The following NAALADL2 variants were observed in gnomAD, a reference collection of about 807,000 sequenced individuals.
NAALADL2 encodes N-acetylated alpha-linked acidic dipeptidase like 2.
Under a neutral mutation model 87.2 loss-of-function variants are expected in NAALADL2, and 76 were observed. That is an observed-to-expected ratio of 0.87 (90% CI 0.72 to 1.05). The LOEUF (loss-of-function observed/expected upper bound fraction) is 1.05, where lower values mean the gene tolerates loss of function less well. NAALADL2 is among the 50% of genes least tolerant of loss of function. NAALADL2 has a pLI of 0.00. For missense variants in NAALADL2, 1,089 were observed against 945.8 expected (o/e 1.15, Z -1.99); for synonymous variants, 354 against 331.0 (o/e 1.07, Z -0.75).
At chr3:175,628,818 A>G (rs918757379) in intron 11 of NAALADL2, among the ~76,000 whole-genome samples, 2 of 150,624 alleles carry the variant, frequency 1.3e-5, no homozygotes, top group Non-Finnish European at 1.5e-5. Flanking sequence ...TACAAAGACT[A>G]GAGCCTGTGT....
chr3:175,224,067 G>A (rs1743804861), intron 2 of NAALADL2, among the ~76,000 whole-genome samples: 1 of 152,154 alleles, frequency 6.6e-6, no homozygotes, highest in African/African-American at 2.4e-5. Flanking sequence ...CAGAGAGAGA[G>A]TTGGCGGCTC....
At chr3:175,098,918 T>G (rs1454421871) in intron 2 of NAALADL2, among the ~76,000 whole-genome samples, 2 of 151,640 alleles carry the variant, frequency 1.3e-5, no homozygotes, top group Non-Finnish European at 2.9e-5. Context: ...CCTGAGCATC[T>G]GGTTAGTTTT....
At chr3:175,243,818 G>T (rs1291555258) in intron 3 of NAALADL2, among the ~76,000 whole-genome samples, 1 of 152,006 alleles carries the variant, frequency 6.6e-6, no homozygotes. Context: ...ATTTCCCAAG[G>T]TCTGAAATGG....
At chr3:175,516,259 T>A (rs1349244106) in intron 9 of NAALADL2, among the ~76,000 whole-genome samples, 1 of 152,226 alleles carries the variant, frequency 6.6e-6, no homozygotes, top group Non-Finnish European at 1.5e-5. Flanking sequence ...GATAGCCCTA[T>A]TGTTTATCTT....
chr3:175,164,496 C>T (rs1388828925), intron 2 of NAALADL2, among the ~76,000 whole-genome samples: 1 of 151,936 alleles, frequency 6.6e-6, no homozygotes, highest in Non-Finnish European at 1.5e-5. Flanking sequence ...GTAAAAGTAT[C>T]GATTTTACTA....
intron 9 of NAALADL2, among the ~76,000 whole-genome samples, chr3:175,571,001 TGTAGA>T (rs1320322888): frequency 1.3e-5 from 2 of 152,168 alleles, no homozygotes; most frequent in African/African-American, 2.4e-5. Flanking sequence ...TTCCTGTGCA[TGTAGA>T]GTAAATGCTT....
intron 3 of NAALADL2, among the ~76,000 whole-genome samples, chr3:174,744,414 T>C (rs940827056): frequency 6.6e-6 from 1 of 151,918 alleles, no homozygotes; most frequent in African/African-American, 2.4e-5. Flanking sequence ...CCTAAATATA[T>C]ATGCACCCAA....
At chr3:175,687,826 C>T (rs1233290656) in intron 11 of NAALADL2, among the ~76,000 whole-genome samples, 1 of 151,872 alleles carries the variant, frequency 6.6e-6, no homozygotes, top group Non-Finnish European at 1.5e-5. Context: ...AGTGTAGCAC[C>T]TCCCCCACCT....
intron 6 of NAALADL2, among the ~76,000 whole-genome samples, chr3:175,455,045 G>C (rs1228030996): frequency 6.6e-6 from 1 of 152,100 alleles, no homozygotes; most frequent in Non-Finnish European, 1.5e-5. Flanking sequence ...AAACCTGAAA[G>C]GGCAAGAAGA....
chr3:175,207,041 G>A (rs2109224468), intron 2 of NAALADL2, among the ~76,000 whole-genome samples: 1 of 152,224 alleles, frequency 6.6e-6, no homozygotes, highest in South Asian at 2.1e-4. Flanking sequence ...GATTATATAT[G>A]CATATTTATA....
At chr3:175,307,325 ATAAAT>A in intron 4 of NAALADL2, among the ~76,000 whole-genome samples, 1 of 152,266 alleles carries the variant, frequency 6.6e-6, no homozygotes, top group South Asian at 2.1e-4. Flanking sequence ...AATTAGAAAA[ATAAAT>A]TATAGTGAAA....
At chr3:175,623,487 G>T (rs1258583975) in intron 10 of NAALADL2, among the ~76,000 whole-genome samples, 4 of 152,038 alleles carry the variant, frequency 2.6e-5, no homozygotes, top group Non-Finnish European at 5.9e-5. Flanking sequence ...GGATCTTAAA[G>T]TGAACTTAGA....
intron 2 of NAALADL2, among the ~76,000 whole-genome samples, chr3:175,178,028 C>T (rs1350812): frequency 0.84 from 127,173 of 151,978 alleles, 53,493 homozygotes; most frequent in East Asian, 0.93. Context: ...AGGAGCCAGA[C>T]TGCCTACATT....
Position 175,450,480 on chromosome 3 carries a change from T to C in NAALADL2, c.1234+3108T>C, listed in dbSNP as rs186167451. On this transcript the variant is annotated intron_variant, in intron 6 of 13. Transcript: ENST00000454872. ...TTATTTATCTTACCCATTTAACCCT[T>C]TATGCACACTAAATCAAAATTCTCT... Among the ~76,000 whole-genome samples the C allele has an allele frequency of 2.2e-4, 33 of 152,274 alleles. No homozygotes were observed. In the East Asian group the frequency reaches 6.2e-3, roughly 28 times the overall value.
intron 2 of NAALADL2, among the ~76,000 whole-genome samples, chr3:174,598,393 G>C (rs978626676): frequency 6.6e-6 from 1 of 152,114 alleles, no homozygotes; most frequent in African/African-American, 2.4e-5. Flanking sequence ...CCACATTTCA[G>C]TGGAAATTGT....
rs191907653 is a variant in NAALADL2, at chr3:174,717,880, C to T, written c.-114-19761C>T. Among the ~76,000 whole-genome samples, 62 of 152,204 alleles carry T rather than the reference C, an allele frequency of 4.1e-4. No individual in the cohort carries two copies. In the East Asian group the frequency reaches 0.011, roughly 28 times the overall value. On this transcript the variant is annotated intron_variant, in intron 2 of 3. Coordinates refer to the NAALADL2 transcript ENST00000434257. ...GTGGCTCATGCCTGTAATCCCAGTG[C>T]TTTGGGAGGCTGAGGCGGGCAGATC...
intron 3 of NAALADL2, among the ~76,000 whole-genome samples, chr3:174,821,190 C>T (rs1415112603): frequency 6.6e-6 from 1 of 152,136 alleles, no homozygotes; most frequent in African/African-American, 2.4e-5. Flanking sequence ...CAATGCTTTG[C>T]TTCAGACCTA....
intron 1 of NAALADL2, among the ~76,000 whole-genome samples, chr3:174,961,310 G>T (rs1741960238): frequency 6.6e-6 from 1 of 151,134 alleles, no homozygotes; most frequent in African/African-American, 2.4e-5. Flanking sequence ...TTTTAACTTA[G>T]ATTTCTATGT....
At chr3:174,696,627 A>T (rs928022281) in intron 2 of NAALADL2, among the ~76,000 whole-genome samples, 3 of 144,716 alleles carry the variant, frequency 2.1e-5, no homozygotes, top group Non-Finnish European at 4.5e-5. Flanking sequence ...AGCCCTACTT[A>T]TTTAATGGCA....
Sources: gnomAD v4.1 joint callset for allele counts (sites outside exome capture counted in the v4.1 genomes callset) on GRCh38, gnomAD v4.1.1 for gene constraint, MANE v1.5 for transcripts, NCBI Gene and HGNC (gene_info 2026-07-23, HGNC 2026-07-21) for gene names.